STXBP6: variants seen among roughly 807,000 people sequenced by gnomAD.
The protein encoded by STXBP6 is syntaxin-binding protein 6.
Under a neutral mutation model 26.9 loss-of-function variants are expected in STXBP6, and 21 were observed. The ratio of observed to expected loss-of-function variants is 0.78; its 90% CI spans 0.55 to 1.12. The LOEUF is 1.12. STXBP6 is among the 50% of genes most tolerant of loss of function. The pLI is 0.00. For missense variants in STXBP6, 232 were observed against 257.9 expected, an observed-to-expected ratio of 0.90 and a Z score of 0.69; for synonymous variants, 97 against 92.6, an observed-to-expected ratio of 1.05 and a Z score of -0.27.
rs1007299870 is a variant in STXBP6, at chr14:24,922,425, C to A, written c.154+52240G>T. ...CTCTCACCTAGCGGAATTATCAATA[C>A]CATTATTTTTCCTTTTTTAAAAATG... On this transcript the variant is annotated intron_variant, in intron 2 of 5. Coordinates refer to ENST00000323944, the MANE Select transcript of STXBP6 (RefSeq NM_001394410.1). Among the ~76,000 whole-genome samples the A allele has an allele frequency of 4.6e-5, 7 of 152,104 alleles. 2 individuals carry two copies. The highest frequency in any genetic ancestry group is 3.9e-4 in the Admixed American group (6 of 15,256).
intron 1 of STXBP6, among the ~76,000 whole-genome samples, chr14:25,017,714 G>GT (rs2075179782): frequency 6.6e-6 from 1 of 152,186 alleles, no homozygotes; most frequent in Non-Finnish European, 1.5e-5. Context: ...GTGCTTTCAA[G>GT]AGAGTTTTCT....
At chr14:24,866,006 CT>C (rs2069704739) in intron 2 of STXBP6, among the ~76,000 whole-genome samples, 1 of 152,052 alleles carries the variant, frequency 6.6e-6, no homozygotes, top group African/African-American at 2.4e-5. Context: ...GATATATCAA[CT>C]TGACTGGCCT....
intron 2 of STXBP6, among the ~76,000 whole-genome samples, chr14:24,884,770 T>TTA (rs2070506573): frequency 6.6e-6 from 1 of 151,798 alleles, no homozygotes; most frequent in Non-Finnish European, 1.5e-5. Flanking sequence ...ATTAATAATT[T>TTA]ATTATTTATG....
intron 2 of STXBP6, among the ~76,000 whole-genome samples, 179 bp downstream of exon 2, chr14:24,974,486 C>T (rs909810521): frequency 7.2e-5 from 11 of 152,162 alleles, no homozygotes; most frequent in African/African-American, 1.9e-4. Context: ...CTTTCCAATA[C>T]GCGGCAACCT....
At chr14:24,895,636 AC>A (rs1245189212) in intron 2 of STXBP6, among the ~76,000 whole-genome samples, 2 of 152,358 alleles carry the variant, frequency 1.3e-5, no homozygotes, top group African/African-American at 2.4e-5. Context: ...GAATAAAAAA[AC>A]AAATCCTCTC....
intron 2 of STXBP6, among the ~76,000 whole-genome samples, chr14:24,918,452 C>CACACA (rs2071850748): frequency 1.5e-5 from 2 of 133,398 alleles, no homozygotes; most frequent in Admixed American, 1.5e-4. Flanking sequence ...CACACCCCCA[C>CACACA]CACACACACA....
At chr14:24,937,668 T>G (rs776583006) in intron 2 of STXBP6, among the ~76,000 whole-genome samples, 1 of 152,202 alleles carries the variant, frequency 6.6e-6, no homozygotes, top group Non-Finnish European at 1.5e-5. Flanking sequence ...ATATTATCAC[T>G]TCTGACCATA....
At chr14:24,839,109 T>C (rs189730150) in intron 4 of STXBP6, among the ~76,000 whole-genome samples, 159 of 152,310 alleles carry the variant, frequency 1.0e-3, no homozygotes, top group African/African-American at 3.6e-3. Flanking sequence ...AGTTGAGTTC[T>C]GTGATTGTGA....
intron 2 of STXBP6, among the ~76,000 whole-genome samples, chr14:24,860,272 T>C (rs1466997932): frequency 6.6e-6 from 1 of 152,110 alleles, no homozygotes; most frequent in African/African-American, 2.4e-5. Flanking sequence ...TAAAAACCAA[T>C]AAGCCAGCCA....
rs116277045 is a variant in STXBP6, at chr14:25,014,675, T to C, written c.-33+35203A>G. 3.6e-3 allele frequency among the ~76,000 whole-genome samples: 548 copies of C among 152,320 alleles called. 3 individuals carry two copies. Among genetic ancestry groups the C allele is most frequent in the African/African-American group, 0.012 (484 of 41,582 alleles). On this transcript the variant is annotated intron_variant, in intron 1 of 5. Transcript: ENST00000323944. ...TGCAAAGGTGAACTGTGACAGGGTA[T>C]GTTCTGCAAAGAAGTTCTGAGTCAG...
chr14:25,014,823 A>G (rs2075111211), intron 1 of STXBP6, among the ~76,000 whole-genome samples: 1 of 152,262 alleles, frequency 6.6e-6, no homozygotes, highest in Non-Finnish European at 1.5e-5. Flanking sequence ...CTTTTCACAT[A>G]AAAAGAAAAT....
Position 24,945,139 on chromosome 14 carries a change from ATTTTTTTTTT to A in STXBP6, c.154+29516_154+29525del, listed in dbSNP as rs552562019. Among the ~76,000 whole-genome samples the A allele has an allele frequency of 1.9e-4, 19 of 100,720 alleles. 1 individual carries two copies. The highest frequency in any genetic ancestry group is 1.0e-3 in the East Asian group (3 of 3,002). The allele number at this position is 100,720 out of a possible 152,430, so 66.1% of individuals were successfully genotyped here. The stretch of plus-strand genomic sequence containing the variant: ...TGGCATGTATATGAACCAATTAGGA[ATTTTTTTTTT>A]TTTTTTTTTTTTTTTTTAGCAGATT... On this transcript the variant is annotated intron_variant, in intron 2 of 5. Transcript: ENST00000323944.
chr14:24,933,363 G>C (rs2072490166), intron 2 of STXBP6, among the ~76,000 whole-genome samples: 1 of 151,944 alleles, frequency 6.6e-6, no homozygotes, highest in Non-Finnish European at 1.5e-5. Context: ...ATAAAATAAA[G>C]TCACATAGCT....
At chr14:25,044,758 C>T (rs1169447999) in intron 1 of STXBP6, among the ~76,000 whole-genome samples, 1 of 152,196 alleles carries the variant, frequency 6.6e-6, no homozygotes, top group Admixed American at 6.5e-5. Flanking sequence ...GTTCTTTGAC[C>T]ACCACCACAG....
At chr14:24,930,182 C>G (rs777274996) in intron 2 of STXBP6, among the ~76,000 whole-genome samples, 3 of 152,220 alleles carry the variant, frequency 2.0e-5, no homozygotes, top group Non-Finnish European at 4.4e-5. Context: ...TCCCACCGTT[C>G]TGCAGAGCAG....
chr14:24,990,339 T>A (rs1342604713), intron 1 of STXBP6, among the ~76,000 whole-genome samples: 1 of 152,064 alleles, frequency 6.6e-6, no homozygotes, highest in Non-Finnish European at 1.5e-5. Flanking sequence ...GAAGAATCAA[T>A]CCAGCTACAA....
At chr14:24,820,237 A>G (rs1231712322) in intron 4 of STXBP6, among the ~76,000 whole-genome samples, 1 of 152,246 alleles carries the variant, frequency 6.6e-6, no homozygotes, top group African/African-American at 2.4e-5. Context: ...GGATGGATAC[A>G]TCTAGCCACA....
At chr14:24,902,324 G>T (rs1472437024) in intron 2 of STXBP6, among the ~76,000 whole-genome samples, 2 of 152,164 alleles carry the variant, frequency 1.3e-5, no homozygotes, top group Non-Finnish European at 2.9e-5. Context: ...AGTAATATTT[G>T]CCATAGACAT....
intron 2 of STXBP6, among the ~76,000 whole-genome samples, chr14:24,914,057 A>G (rs942029974): frequency 1.3e-5 from 2 of 152,224 alleles, no homozygotes; most frequent in African/African-American, 4.8e-5. Flanking sequence ...AACAGATACT[A>G]AAGCTGGTAT....
Sources: allele counts gnomAD v4.1 joint callset (sites outside exome capture counted in the v4.1 genomes callset), GRCh38; gene constraint gnomAD v4.1.1; transcripts MANE v1.5; gene names NCBI Gene and HGNC (gene_info 2026-07-23, HGNC 2026-07-21).